C2: variants seen among roughly 807,000 people sequenced by gnomAD.
The protein encoded by C2 is complement C2, also known as C3/C5 convertase.
Under a neutral mutation model 85.2 loss-of-function variants are expected in C2, and 64 were observed. That is an observed-to-expected ratio of 0.75 (90% CI 0.61 to 0.92). The LOEUF (loss-of-function observed/expected upper bound fraction) is 0.92. Among genes scored for constraint, C2 ranks in the 40% least tolerant of loss-of-function variants. The pLI is 0.00. For synonymous variants in C2, 311 were observed against 370.8 expected (o/e 0.84, Z 1.85); for missense variants, 820 against 971.6 (o/e 0.84, Z 2.07).
upstream of C2, among the ~76,000 whole-genome samples, chr6:31,898,737 C>G (rs1202239064): frequency 6.6e-6 from 1 of 150,912 alleles, no homozygotes; most frequent in Non-Finnish European, 1.5e-5. Flanking sequence ...TTTCCGTGGG[C>G]AGGTTGGCCA....
chr6:31,939,151 GC>G (rs1169099755), intron 8 of C2, 79 bp from the exon 9 acceptor site: 1 of 1,002,176 alleles, frequency 1.0e-6, no homozygotes, highest in Admixed American at 1.7e-5. Flanking sequence ...AGGTTCCCAG[GC>G]TAAATGCTTT....
chr6:31,944,310 T>C lies in C2; in HGVS notation c.1902+84T>C, dbSNP rs961364271. 1.0e-5 allele frequency: 10 copies of C among 1,004,648 alleles called. No homozygotes were observed. The African/African-American group carries it at 1.6e-4, about 16-fold the overall frequency. 62.2% of individuals were successfully genotyped at this position (1,004,648 alleles called of 1,614,324 possible). A position where few individuals can be genotyped will look rare whatever the true frequency, so the allele number is the denominator to read the frequency against. On this transcript the variant is annotated intron_variant, in intron 15 of 17. Transcript: ENST00000299367. The surrounding 1 kb of genome is among the most constrained non-coding windows in gnomAD (Gnocchi z 5.1). ...TCTTCCTTCTCCAGGTCTGGCTGCT[T>C]TCTCTCTCTGACGCGGGTCACCCCT... is the stretch of plus-strand genomic sequence containing the variant.
At chr6:31,900,356 C>A (rs760944494), upstream of C2, 2 of 1,599,076 alleles carry the variant, frequency 1.3e-6, no homozygotes, top group East Asian at 2.3e-5. The surrounding 1 kb of genome is among the most constrained non-coding windows in gnomAD (Gnocchi z 9.7). Flanking sequence ...CAGGGGTCCC[C>A]GGCTGCCCCC....
rs573470308 is a variant in C2, at chr6:31,944,780, G to C, written c.1956G>C (p.Leu652Phe). The stretch of plus-strand genomic sequence containing the variant: ...AAGAAAAAACCATGTTCCCCAACTT[G>C]ACAGATGTCAGGGAGGTGGTGACAG... ...VSQEKTMFPNLTDVREVVTDQ... is the reference protein window; with the variant it reads ...VSQEKTMFPNFTDVREVVTDQ... Residue 652 changes from leucine (L) to phenylalanine (F), a missense_variant, in exon 16 of 18, where the codon TTG becomes TTC. Physicochemically the swap from Leu to Phe is conservative, Grantham distance 22 (BLOSUM62 0). Transcript: ENST00000299367. The surrounding 1 kb of genome is among the most constrained non-coding windows in gnomAD (Gnocchi z 5.1). 8 of 1,613,122 alleles carry C rather than the reference G, an allele frequency of 5.0e-6. No homozygotes were observed. The South Asian group carries it at 8.8e-5, about 18-fold the overall frequency.
rs1249595562 is a variant in C2, at chr6:31,931,910, C to T, written c.443-1700C>T. Among the ~76,000 whole-genome samples the T allele has an allele frequency of 9.1e-5, 7 of 77,140 alleles. No individual in the cohort carries two copies. In the Admixed American group the frequency reaches 9.4e-4, roughly 10 times the overall value. 50.6% of individuals were successfully genotyped at this position (77,140 alleles called of 152,430 possible). On this transcript the variant is annotated intron_variant, in intron 3 of 17. Coordinates refer to ENST00000299367, the MANE Select transcript of C2 (RefSeq NM_000063.6). ...GCGGGGGGCTGACCCCCCCACCTCC[C>T]TCCCGGACGGCGCGGCTGGCCGGGC...
intron 1 of C2, among the ~76,000 whole-genome samples, chr6:31,907,841 CTTTTT>C (rs9281622): frequency 1.3e-4 from 9 of 67,976 alleles, no homozygotes; most frequent in African/African-American, 5.1e-4. Context: ...CCACTTCTGG[CTTTTT>C]TTTTTTTTTT....
intron 1 of C2, among the ~76,000 whole-genome samples, chr6:31,914,163 G>A (rs1026579954): frequency 4.6e-5 from 7 of 151,558 alleles, no homozygotes; most frequent in African/African-American, 7.3e-5. Context: ...CGCCTGCCTC[G>A]GCCTCTCAAA....
Position 31,943,326 on chromosome 6 carries a change from G to A in C2, c.1455+7G>A, listed in dbSNP as rs1771048325. 2.5e-6 allele frequency: 4 copies of A among 1,612,468 alleles called. No individual in the cohort carries two copies. In the East Asian group the frequency reaches 8.9e-5, roughly 36 times the overall value. On this transcript the variant is annotated splice_region_variant and intron_variant, in intron 11 of 17. Coordinates refer to ENST00000299367, the MANE Select transcript of C2 (RefSeq NM_000063.6). The surrounding 1 kb of genome is among the most constrained non-coding windows in gnomAD (Gnocchi z 6.4). ...CTGGCATGTCACTATTAAGGTACCA[G>A]GAAGGAGGGGCAGGGCTTGGATTCC...
At chr6:31,934,415 CAG>C (rs764256892) in intron 6 of C2, 116 bp downstream of exon 6, 4 of 1,376,508 alleles carry the variant, frequency 2.9e-6, no homozygotes, top group Non-Finnish European at 3.1e-6. Context: ...GAAGTCTTCT[CAG>C]ATTATACTCA....
At chr6:31,934,083 G>C in intron 5 of C2, 83 bp from the exon 6 acceptor site, 1 of 1,572,876 alleles carries the variant, frequency 6.4e-7, no homozygotes. Flanking sequence ...CTGAAAGGGA[G>C]GGAGGCAGAG....
upstream of C2, chr6:31,900,975 G>A (rs1767200423): frequency 6.2e-7 from 1 of 1,614,118 alleles, no homozygotes; most frequent in Non-Finnish European, 8.5e-7. This position sits in a 1 kb window ranked among gnomAD's most constrained non-coding sequence, Gnocchi z 9.7. Context: ...TGCTCCATCT[G>A]CAGGTAGGAG....
At position 31,943,202 on chromosome 6, in the gene C2, C is replaced by G; in HGVS notation, c.1361-23C>G. 1 of 1,612,610 alleles carries G rather than the reference C, an allele frequency of 6.2e-7. No individual in the cohort carries two copies. Among genetic ancestry groups the G allele is most frequent in the Non-Finnish European group, 8.5e-7 (1 of 1,179,636 alleles). On this transcript the variant is annotated intron_variant, in intron 10 of 17. Coordinates refer to ENST00000299367, the MANE Select transcript of C2 (RefSeq NM_000063.6). This position sits in a 1 kb window ranked among gnomAD's most constrained non-coding sequence, Gnocchi z 6.4. ...CAGTGCCCCTCACTTGCCTCCTTCC[C>G]CATCTGATCCTCACACCCACAGATG...
upstream of C2, among the ~76,000 whole-genome samples, chr6:31,918,627 C>T (rs1021871892): frequency 4.7e-5 from 7 of 149,674 alleles, no homozygotes; most frequent in African/African-American, 1.7e-4. Context: ...TGGCTGGGAG[C>T]GGTGGCTCAC....
chr6:31,931,893 C>T (rs1453020027), intron 3 of C2, among the ~76,000 whole-genome samples: 8 of 141,792 alleles, frequency 5.6e-5, no homozygotes, highest in Non-Finnish European at 9.3e-5. Context: ...GGGCGGGGGG[C>T]TGACCCCCCC....
intron 3 of C2, among the ~76,000 whole-genome samples, chr6:31,931,692 T>C (rs1177376405): frequency 6.6e-6 from 1 of 152,172 alleles, no homozygotes; most frequent in Non-Finnish European, 1.5e-5. Context: ...AACCATCCGA[T>C]TTCTCAATCT....
Position 31,935,215 on chromosome 6 carries a change from C to A in C2, c.850-708C>A, listed in dbSNP as rs999951105. ...TCTTGGGACTCAAAATTAAGTAACT[C>A]ATTGCACTGCGAGGCGGCAACACAC... On this transcript the variant is annotated intron_variant, in intron 6 of 17. Coordinates refer to ENST00000299367, the MANE Select transcript of C2 (RefSeq NM_000063.6). This position sits in a 1 kb window ranked among gnomAD's most constrained non-coding sequence, Gnocchi z 4.3. 10 of 231,026 alleles carry A rather than the reference C, an allele frequency of 4.3e-5. No individual in the cohort carries two copies. Among genetic ancestry groups the A allele is most frequent in the African/African-American group, 2.3e-4 (10 of 43,002 alleles). The allele number at this position is 231,026 out of a possible 1,614,324, so 14.3% of individuals were successfully genotyped here.
intron 8 of C2, among the ~76,000 whole-genome samples, chr6:31,938,728 C>T (rs7754520): frequency 0.12 from 17,754 of 151,734 alleles, 1,214 homozygotes; most frequent in African/African-American, 0.19. Context: ...GGCGCGATTT[C>T]GGCTCACCGC....
chr6:31,918,216 T>G (rs1368957556), upstream of C2, among the ~76,000 whole-genome samples: 1 of 151,512 alleles, frequency 6.6e-6, no homozygotes, highest in African/African-American at 2.4e-5. Context: ...GCCCAGGAGT[T>G]TGAGGCTGCC....
At chr6:31,907,096 C>T (rs1324825961) in intron 1 of C2, among the ~76,000 whole-genome samples, 8 of 150,510 alleles carry the variant, frequency 5.3e-5, no homozygotes, top group Admixed American at 1.3e-4. Flanking sequence ...GTTGAGATCA[C>T]GCCACTGCAC....
Sources: gnomAD v4.1 joint callset for allele counts (sites outside exome capture counted in the v4.1 genomes callset) on GRCh38, gnomAD v4.1.1 for gene constraint, Gnocchi (gnomAD v3.1) non-coding constraint, MANE v1.5 for transcripts, NCBI Gene and HGNC (gene_info 2026-07-23, HGNC 2026-07-21) for gene names.